The following TUSC3 variants were observed in gnomAD, a reference collection of about 807,000 sequenced individuals.
TUSC3 encodes dolichyl-diphosphooligosaccharide--protein glycosyltransferase subunit TUSC3.
TUSC3 carries 45 observed loss-of-function variants against 44.8 expected under a neutral mutation model. The observed-to-expected ratio is 1.00, with a 90% CI of 0.79 to 1.29. The LOEUF is 1.29. TUSC3 is among the 50% of genes most tolerant of loss of function. TUSC3 has a pLI of 0.00. For synonymous variants in TUSC3, 212 were observed against 152.9 expected, an observed-to-expected ratio of 1.39 and a Z score of -2.85; for missense variants, 519 against 437.9, an observed-to-expected ratio of 1.19 and a Z score of -1.65.
intron 1 of TUSC3, among the ~76,000 whole-genome samples, chr8:15,469,692 A>G (rs1800459477): frequency 6.6e-6 from 1 of 152,238 alleles, no homozygotes; most frequent in East Asian, 1.9e-4. Flanking sequence ...AAAAACCTGC[A>G]CACAGATGTT....
chr8:15,691,454 A>T (rs920517874), intron 6 of TUSC3, among the ~76,000 whole-genome samples: 2 of 152,160 alleles, frequency 1.3e-5, no homozygotes. Flanking sequence ...TTGTCTGCAA[A>T]CATAGATAGT....
chr8:15,451,582 C>T, intron 1 of TUSC3, among the ~76,000 whole-genome samples: 1 of 152,188 alleles, frequency 6.6e-6, no homozygotes, highest in East Asian at 1.9e-4. Flanking sequence ...ACACCCCTTT[C>T]CCTATACCTT....
chr8:15,557,552 T>C (rs200914582), intron 1 of TUSC3, among the ~76,000 whole-genome samples: 269 of 75,268 alleles, frequency 3.6e-3, no homozygotes, highest in Middle Eastern at 0.017. Flanking sequence ...AAGGCATTGG[T>C]AGCTTGATGG....
chr8:15,820,353 C>A, the TUSC3 span, among the ~76,000 whole-genome samples: 3 of 148,360 alleles, frequency 2.0e-5, no homozygotes, highest in Non-Finnish European at 4.4e-5. Context: ...TGCTCTGTCG[C>A]CAAGCTGGAG....
At chr8:15,773,850 A>G in the TUSC3 span, among the ~76,000 whole-genome samples, 473 of 152,276 alleles carry the variant, frequency 3.1e-3, 3 homozygotes, top group African/African-American at 0.01. Flanking sequence ...CCACATGCAA[A>G]ACTAGGATAA....
chr8:15,457,287 G>C (rs1452709389), intron 1 of TUSC3, among the ~76,000 whole-genome samples: 2 of 151,900 alleles, frequency 1.3e-5, no homozygotes, highest in African/African-American at 2.4e-5. Context: ...TGAACGTTGT[G>C]CACAAGTACC....
chr8:15,795,758 G>C, the TUSC3 span, among the ~76,000 whole-genome samples: 3 of 152,208 alleles, frequency 2.0e-5, no homozygotes, highest in Non-Finnish European at 2.9e-5. Context: ...CCTCCAGTGT[G>C]GCTGCCCAAA....
intron 1 of TUSC3, among the ~76,000 whole-genome samples, chr8:15,422,665 A>AT (rs779285925): frequency 5.9e-5 from 9 of 151,958 alleles, no homozygotes; most frequent in Non-Finnish European, 1.3e-4. Flanking sequence ...TGGTTGGTTG[A>AT]TTTTGTGACA....
intron 2 of TUSC3, among the ~76,000 whole-genome samples, chr8:15,640,815 C>CA (rs1403557853): frequency 6.6e-6 from 1 of 152,132 alleles, no homozygotes; most frequent in African/African-American, 2.4e-5. Context: ...CTCATTATCT[C>CA]AGAGTCTAGT....
downstream of TUSC3, among the ~76,000 whole-genome samples, chr8:15,766,956 G>A (rs1205348379): frequency 1.3e-5 from 2 of 152,070 alleles, no homozygotes; most frequent in South Asian, 2.1e-4. Context: ...TTGAATTGAC[G>A]CTTGAAGACT....
chr8:15,798,410 G>A, the TUSC3 span, among the ~76,000 whole-genome samples: 1 of 152,206 alleles, frequency 6.6e-6, no homozygotes, highest in African/African-American at 2.4e-5. Context: ...TATTCCAGTA[G>A]GTGGATATAA....
intron 1 of TUSC3, among the ~76,000 whole-genome samples, chr8:15,549,822 G>T: frequency 6.6e-6 from 1 of 151,742 alleles, no homozygotes; most frequent in South Asian, 2.1e-4. Flanking sequence ...AATCAAGGTT[G>T]AATACTACCA....
chr8:15,812,116 G>A, the TUSC3 span, among the ~76,000 whole-genome samples: 4 of 152,148 alleles, frequency 2.6e-5, no homozygotes, highest in Non-Finnish European at 1.5e-5. Flanking sequence ...TAGATGAGAC[G>A]TTTTAATTGT....
chr8:15,624,956 C>G (rs1211450171), intron 2 of TUSC3, among the ~76,000 whole-genome samples: 1 of 152,058 alleles, frequency 6.6e-6, no homozygotes, highest in African/African-American at 2.4e-5. Flanking sequence ...TGAAAGAAAG[C>G]ACTCAATCTG....
At chr8:15,528,222 C>A (rs1354774433) in intron 2 of TUSC3, among the ~76,000 whole-genome samples, 1 of 152,018 alleles carries the variant, frequency 6.6e-6, no homozygotes, top group Non-Finnish European at 1.5e-5. Flanking sequence ...TCATTTCTTT[C>A]CTTGGAAATG....
At chr8:15,523,138 T>G (rs1323789448) in intron 2 of TUSC3, among the ~76,000 whole-genome samples, 4 of 152,152 alleles carry the variant, frequency 2.6e-5, no homozygotes, top group Non-Finnish European at 5.9e-5. Context: ...GAAAGTTTCT[T>G]TCCATTTGTT....
intron 3 of TUSC3, among the ~76,000 whole-genome samples, chr8:15,657,257 C>T (rs1041710619): frequency 5.9e-5 from 9 of 152,084 alleles, no homozygotes; most frequent in African/African-American, 2.2e-4. Flanking sequence ...TTTTGCTTCC[C>T]TTTTAATTAT....
intron 2 of TUSC3, among the ~76,000 whole-genome samples, chr8:15,485,959 T>G (rs1025331115): frequency 6.6e-5 from 10 of 151,932 alleles, no homozygotes; most frequent in Non-Finnish European, 1.3e-4. Flanking sequence ...CCCGGCTTAT[T>G]TTTTTTGTAT....
At chr8:15,519,090 C>T (rs1031857055) in intron 2 of TUSC3, among the ~76,000 whole-genome samples, 2 of 152,128 alleles carry the variant, frequency 1.3e-5, no homozygotes, top group Admixed American at 1.3e-4. Context: ...TGGCTTCTTG[C>T]TCACTCTGAT....
Sources: gnomAD v4.1 joint callset for allele counts (sites outside exome capture counted in the v4.1 genomes callset) on GRCh38, gnomAD v4.1.1 for gene constraint, MANE v1.5 for transcripts, NCBI Gene and HGNC (gene_info 2026-07-23, HGNC 2026-07-21) for gene names.